Variants in DOCK10 observed in about 807,000 individuals in gnomAD.
DOCK10 encodes dedicator of cytokinesis protein 10.
A neutral mutation model predicts 280.1 loss-of-function variants in DOCK10; 145 were observed. The observed-to-expected ratio is 0.52, with a 90% confidence interval of 0.45 to 0.59. The LOEUF (loss-of-function observed/expected upper bound fraction) is 0.59. DOCK10 is among the 20% of genes least tolerant of loss of function. The pLI, the probability that DOCK10 is intolerant of heterozygous loss-of-function variation, is 0.00. For synonymous variants in DOCK10, 915 were observed against 942.2 expected (o/e 0.97, Z 0.53); for missense variants, 2,368 against 2,651.7 (o/e 0.89, Z 2.35).
intron 3 of DOCK10, 131 bp downstream of exon 3, chr2:224,916,564 A>C: frequency 2.0e-6 from 1 of 502,484 alleles, no homozygotes; most frequent in Non-Finnish European, 3.4e-6. Context: ...AAAAAAAAAG[A>C]CATCCACTAG....
At position 225,035,550 on chromosome 2, in the gene DOCK10, AT is replaced by A. The variant is rs1690207785; in HGVS notation, c.123+6701del. ...ATATGATATGATATATATTATATAT[AT>A]ATATATATATATATATATATATATA... On this transcript the variant is annotated intron_variant, in intron 1 of 55. Coordinates refer to ENST00000258390, the MANE Select transcript of DOCK10 (RefSeq NM_014689.3). Among the ~76,000 whole-genome samples, 4 of 17,494 alleles carry A rather than the reference AT, an allele frequency of 2.3e-4. 1 individual carries two copies. Among genetic ancestry groups the A allele is most frequent in the African/African-American group, 4.3e-4 (2 of 4,646 alleles). 11.5% of individuals were successfully genotyped at this position (17,494 alleles called of 152,430 possible).
chr2:224,964,286 AT>A (rs1361557407), intron 1 of DOCK10, among the ~76,000 whole-genome samples: 2 of 152,184 alleles, frequency 1.3e-5, no homozygotes, highest in African/African-American at 4.8e-5. Flanking sequence ...TGTGTTGTTC[AT>A]TTTCTAAATG....
intron 1 of DOCK10, among the ~76,000 whole-genome samples, chr2:225,003,560 A>G (rs1706493642): frequency 6.6e-6 from 1 of 152,152 alleles, no homozygotes; most frequent in Non-Finnish European, 1.5e-5. Context: ...TTCATGTTTG[A>G]CTGAATGAAC....
intron 40 of DOCK10, among the ~76,000 whole-genome samples, chr2:224,800,493 C>T (rs2125169318): frequency 6.6e-6 from 1 of 152,174 alleles, no homozygotes; most frequent in South Asian, 2.1e-4. Flanking sequence ...TCCATTGTTT[C>T]TGAGTTCTTT....
At chr2:225,023,653 T>C (rs1388831461) in intron 1 of DOCK10, among the ~76,000 whole-genome samples, 5 of 152,184 alleles carry the variant, frequency 3.3e-5, no homozygotes, top group Non-Finnish European at 1.5e-5. Flanking sequence ...GCAGTATTTC[T>C]AAAGTTGAAG....
intron 1 of DOCK10, among the ~76,000 whole-genome samples, chr2:224,961,076 A>G (rs565382808): frequency 3.2e-4 from 48 of 152,176 alleles, no homozygotes; most frequent in African/African-American, 1.1e-3. Flanking sequence ...TTTTCTTGTA[A>G]TCCTCCTCGT....
chr2:224,949,272 A>G (rs1256743238), intron 1 of DOCK10, among the ~76,000 whole-genome samples: 1 of 152,192 alleles, frequency 6.6e-6, no homozygotes, highest in Non-Finnish European at 1.5e-5. Flanking sequence ...TTAGAAACAT[A>G]TTGTTAATCA....
At chr2:224,826,975 A>G (rs1198600614) in intron 27 of DOCK10, among the ~76,000 whole-genome samples, 1 of 150,910 alleles carries the variant, frequency 6.6e-6, no homozygotes. Flanking sequence ...AGGGGAAAAA[A>G]AAATGGGCCA....
At chr2:224,887,069 A>G (rs186058022) in intron 4 of DOCK10, among the ~76,000 whole-genome samples, 1 of 152,260 alleles carries the variant, frequency 6.6e-6, no homozygotes, top group East Asian at 1.9e-4. Flanking sequence ...TGGCCTTCTA[A>G]TTACATAAAC....
intron 14 of DOCK10, among the ~76,000 whole-genome samples, chr2:224,858,108 G>A (rs1317972317): frequency 1.3e-5 from 2 of 152,148 alleles, no homozygotes; most frequent in African/African-American, 2.4e-5. Flanking sequence ...TTGTTTCAGT[G>A]CATCACATGT....
chr2:225,036,776 T>C (rs765863673), intron 1 of DOCK10, among the ~76,000 whole-genome samples: 4 of 152,242 alleles, frequency 2.6e-5, no homozygotes, highest in Admixed American at 1.3e-4. Flanking sequence ...TCATGGCTGA[T>C]GGTGTTTTCC....
At chr2:224,982,509 G>C (rs1705802725) in intron 1 of DOCK10, 1 of 1,225,498 alleles carries the variant, frequency 8.2e-7, no homozygotes, top group East Asian at 3.2e-5. Context: ...CTGATCATCT[G>C]ATCATGGCCA....
chr2:224,820,143 T>C (rs1694412960), intron 28 of DOCK10, among the ~76,000 whole-genome samples: 3 of 152,330 alleles, frequency 2.0e-5, no homozygotes, highest in African/African-American at 7.2e-5. Flanking sequence ...CCTTATCAGC[T>C]GAGGAAGCTT....
intron 11 of DOCK10, among the ~76,000 whole-genome samples, chr2:224,873,371 G>A (rs547113885): frequency 6.6e-6 from 1 of 152,186 alleles, no homozygotes; most frequent in East Asian, 1.9e-4. Flanking sequence ...GAGCCTAGGA[G>A]TTCTAAACCA....
intron 52 of DOCK10, among the ~76,000 whole-genome samples, 154 bp from the exon 53 acceptor site, chr2:224,773,501 G>C (rs1690596915): frequency 6.6e-6 from 1 of 152,106 alleles, no homozygotes; most frequent in Admixed American, 6.5e-5. Flanking sequence ...TTTTCTGCTA[G>C]GTGCCATCCT....
intron 11 of DOCK10, among the ~76,000 whole-genome samples, chr2:224,865,905 ACTCT>A (rs1161177566): frequency 8.7e-5 from 13 of 149,140 alleles, no homozygotes; most frequent in South Asian, 4.3e-4. Flanking sequence ...ATACACACAC[ACTCT>A]CTCTCTCTCT....
chr2:225,036,684 T>C (rs73075756), intron 1 of DOCK10, among the ~76,000 whole-genome samples: 8,230 of 151,024 alleles, frequency 0.054, 730 homozygotes, highest in African/African-American at 0.19. Flanking sequence ...GAAAAAAATA[T>C]CTTGTCTCTT....
intron 2 of DOCK10, among the ~76,000 whole-genome samples, chr2:224,928,905 C>T (rs77009949): frequency 1.3e-5 from 2 of 152,186 alleles, no homozygotes; most frequent in East Asian, 3.8e-4. Flanking sequence ...CTTGCCCTTG[C>T]CTATAGTTAG....
chr2:225,026,150 C>T (rs1394831599), intron 1 of DOCK10, among the ~76,000 whole-genome samples: 5 of 151,950 alleles, frequency 3.3e-5, no homozygotes, highest in Non-Finnish European at 7.4e-5. Context: ...TTGGGTAATG[C>T]CCAGAAGCTT....
Sources: allele counts gnomAD v4.1 joint callset (sites outside exome capture counted in the v4.1 genomes callset), GRCh38; gene constraint gnomAD v4.1.1; transcripts MANE v1.5; gene names NCBI Gene and HGNC (gene_info 2026-07-23, HGNC 2026-07-21).